Variants in HOMER1 observed in about 807,000 individuals in gnomAD.
HOMER1 encodes homer protein homolog 1.
HOMER1 carries 3 observed loss-of-function variants against 48.9 expected under a neutral mutation model. The observed-to-expected ratio is 0.06, with a 90% CI of 0.03 to 0.16. HOMER1 has a LOEUF of 0.16. HOMER1 is among the 10% of genes least tolerant of loss of function. The pLI, the probability that HOMER1 is intolerant of heterozygous loss-of-function variation, is 1.00. For missense variants in HOMER1, 247 were observed against 411.4 expected, an observed-to-expected ratio of 0.60 and a Z score of 3.46; for synonymous variants, 134 against 146.4, an observed-to-expected ratio of 0.92 and a Z score of 0.61.
chr5:79,429,088 G>T (rs1419002955), intron 5 of HOMER1, among the ~76,000 whole-genome samples: 3 of 152,150 alleles, frequency 2.0e-5, no homozygotes, highest in East Asian at 3.9e-4. Flanking sequence ...GCGTAGGCCG[G>T]GCACAGTGGC....
At chr5:79,497,440 A>G (rs1327680494) in intron 1 of HOMER1, among the ~76,000 whole-genome samples, 3 of 151,968 alleles carry the variant, frequency 2.0e-5, no homozygotes, top group Non-Finnish European at 4.4e-5. Flanking sequence ...ACCTGAGGTC[A>G]GGATTTCGAG....
At chr5:79,433,650 G>C (rs1236640332) in intron 5 of HOMER1, among the ~76,000 whole-genome samples, 1 of 152,060 alleles carries the variant, frequency 6.6e-6, no homozygotes, top group Non-Finnish European at 1.5e-5. Context: ...TAAAAATTTT[G>C]TATTTATTTT....
At chr5:79,507,212 CAAAAAAAAA>C (rs34697575) in intron 1 of HOMER1, among the ~76,000 whole-genome samples, 9 of 51,916 alleles carry the variant, frequency 1.7e-4, no homozygotes, top group African/African-American at 6.3e-4. Context: ...GGCTCTATCT[CAAAAAAAAA>C]AAAAAAAAAA....
chr5:79,502,908 A>G (rs1309605025), intron 1 of HOMER1, among the ~76,000 whole-genome samples: 4 of 152,150 alleles, frequency 2.6e-5, no homozygotes, highest in Non-Finnish European at 2.9e-5. Flanking sequence ...CTCCTGCCTC[A>G]GCCTCCCGAG....
intron 1 of HOMER1, among the ~76,000 whole-genome samples, chr5:79,465,586 T>TC (rs1460421771): frequency 2.8e-5 from 2 of 71,814 alleles, no homozygotes; most frequent in African/African-American, 5.1e-5. Flanking sequence ...CATTTCTTCT[T>TC]TTTTTTTTTT....
intron 5 of HOMER1, among the ~76,000 whole-genome samples, chr5:79,423,867 A>G (rs900150639): frequency 6.6e-6 from 1 of 152,132 alleles, no homozygotes; most frequent in African/African-American, 2.4e-5. Context: ...GCACAGCTAG[A>G]AGAACCTAAG....
chr5:79,382,545 A>G (rs1749010061), intron 8 of HOMER1, among the ~76,000 whole-genome samples: 1 of 152,218 alleles, frequency 6.6e-6, no homozygotes, highest in African/African-American at 2.4e-5. Context: ...CTATCCAAGC[A>G]TACTACATCC....
At chr5:79,384,328 G>A (rs1026595372) in intron 8 of HOMER1, among the ~76,000 whole-genome samples, 1 of 151,980 alleles carries the variant, frequency 6.6e-6, no homozygotes, top group Admixed American at 6.6e-5. Context: ...GAAGCATTAC[G>A]ACTCACACTA....
intron 4 of HOMER1, among the ~76,000 whole-genome samples, chr5:79,443,306 T>C (rs1210103731): frequency 6.6e-6 from 1 of 152,192 alleles, no homozygotes; most frequent in Non-Finnish European, 1.5e-5. Flanking sequence ...GCATATATAA[T>C]ATTCTACAAT....
chr5:79,480,833 G>A (rs1751925377), intron 1 of HOMER1, among the ~76,000 whole-genome samples: 2 of 152,106 alleles, frequency 1.3e-5, no homozygotes, highest in South Asian at 2.1e-4. Flanking sequence ...TAGACACAAT[G>A]GCAAGTAAAG....
At chr5:79,405,463 C>T (rs1749640037) in intron 5 of HOMER1, among the ~76,000 whole-genome samples, 1 of 152,236 alleles carries the variant, frequency 6.6e-6, no homozygotes, top group Admixed American at 6.5e-5. Context: ...AATTGAAGTA[C>T]ATGGATTATA....
intron 1 of HOMER1, among the ~76,000 whole-genome samples, chr5:79,474,362 T>C (rs1751702460): frequency 6.6e-6 from 1 of 150,564 alleles, no homozygotes; most frequent in Non-Finnish European, 1.5e-5. Flanking sequence ...CTTTCTAAAC[T>C]TTCTAAGACT....
chr5:79,421,897 G>A (rs1750111129), intron 5 of HOMER1, among the ~76,000 whole-genome samples: 2 of 151,912 alleles, frequency 1.3e-5, no homozygotes, highest in South Asian at 4.1e-4. Flanking sequence ...ATGAACCATC[G>A]GGCCTGGCCA....
At chr5:79,510,622 G>A (rs1205030362) in intron 1 of HOMER1, 5 of 894,680 alleles carry the variant, frequency 5.6e-6, no homozygotes, top group African/African-American at 3.2e-5. Context: ...ACAGTGCCAA[G>A]GCCATGAGTG....
intron 1 of HOMER1, among the ~76,000 whole-genome samples, chr5:79,460,823 T>C (rs1039861985): frequency 1.3e-5 from 2 of 152,180 alleles, no homozygotes; most frequent in East Asian, 1.9e-4. Context: ...AAAATGTTCA[T>C]TGTGCCAAGG....
chr5:79,479,275 C>T (rs1011043948), intron 1 of HOMER1, among the ~76,000 whole-genome samples: 1 of 152,058 alleles, frequency 6.6e-6, no homozygotes, highest in Non-Finnish European at 1.5e-5. Context: ...ATAATGGCCC[C>T]GAAAGAAACC....
At chr5:79,394,031 T>C (rs760510932) in intron 8 of HOMER1, among the ~76,000 whole-genome samples, 1 of 152,326 alleles carries the variant, frequency 6.6e-6, no homozygotes, top group Non-Finnish European at 1.5e-5. Context: ...CCTTGCTAAG[T>C]ACATTTTTTG....
rs1029826287 is a variant in HOMER1, at chr5:79,372,877, T to C, written c.*3132A>G. 6.6e-6 allele frequency: 1 copy of C among 152,144 alleles called. No homozygotes were observed. The highest frequency in any genetic ancestry group is 1.5e-5 in the Non-Finnish European group (1 of 67,992). The allele number at this position is 152,144 out of a possible 1,614,324, so 9.4% of individuals were successfully genotyped here. On this transcript the variant is annotated 3_prime_UTR_variant, in exon 9 of 9. Transcript: ENST00000334082. ...GTGGTGGTGTTGGCTTAATTTTGAG[T>C]GTTCCTTTTATTTCCACCTGAAAAA...
intron 1 of HOMER1, among the ~76,000 whole-genome samples, chr5:79,512,379 T>C (rs1171538937): frequency 6.6e-6 from 1 of 152,236 alleles, no homozygotes; most frequent in Non-Finnish European, 1.5e-5. Context: ...ATCGTTCCTT[T>C]GTGCAACTGA....
Sources: gnomAD v4.1 joint callset for allele counts (sites outside exome capture counted in the v4.1 genomes callset) on GRCh38, gnomAD v4.1.1 for gene constraint, MANE v1.5 for transcripts, NCBI Gene and HGNC (gene_info 2026-07-23, HGNC 2026-07-21) for gene names.